TTC13: variants seen among roughly 807,000 people sequenced by gnomAD.
TTC13 encodes tetratricopeptide repeat protein 13.
In TTC13, 62 loss-of-function variants were observed where a neutral mutation model predicts 120.0. The observed-to-expected ratio is 0.52, with a 90% confidence interval of 0.42 to 0.64. The LOEUF (loss-of-function observed/expected upper bound fraction) is 0.64. TTC13 is among the 30% of genes least tolerant of loss of function. The pLI is 0.00. For missense variants in TTC13, 824 were observed against 1,050.2 expected (o/e 0.78, Z 2.98); for synonymous variants, 384 against 393.5 (o/e 0.98, Z 0.28).
In TTC13 at chr1:230,961,287, G is replaced by A. The variant is rs1676613398; in HGVS notation, c.288C>T (p.Asn96=). ...TGGGTTCGCAGTCTGAGTCATGGAA[G>A]TTCAAAAAGGATGACTCTGAAAGGC... The part of the protein sequence containing the change: ...SAECGESSFL[N]FHDSDCEPKG... Residue 96 remains asparagine, a synonymous_variant, in exon 2 of 23, where the codon AAC becomes AAT. Coordinates refer to ENST00000366661, the MANE Select transcript of TTC13 (RefSeq NM_024525.5). 1.2e-6 allele frequency: 2 copies of A among 1,613,362 alleles called. No homozygotes were observed. The highest frequency in any genetic ancestry group is 1.7e-6 in the Non-Finnish European group (2 of 1,179,584).
intron 1 of TTC13, among the ~76,000 whole-genome samples, chr1:230,977,818 G>T (rs1678491326): frequency 6.6e-6 from 1 of 152,132 alleles, no homozygotes; most frequent in South Asian, 2.1e-4. Context: ...TGTCCCAGAG[G>T]CATCTGCTAT....
At chr1:230,936,341 C>A in intron 8 of TTC13, 2 of 431,350 alleles carry the variant, frequency 4.6e-6, no homozygotes, top group Admixed American at 5.2e-5. Context: ...ATGAATCAAT[C>A]TCTAAGCATA....
intron 3 of TTC13, among the ~76,000 whole-genome samples, chr1:230,957,830 ATAACT>A (rs978645604): frequency 2.8e-5 from 2 of 70,198 alleles, no homozygotes; most frequent in African/African-American, 5.1e-5. Flanking sequence ...CATGAGTAAA[ATAACT>A]TAAAGTTTAA....
At chr1:230,950,219 A>G (rs1462085960) in intron 4 of TTC13, among the ~76,000 whole-genome samples, 1 of 152,022 alleles carries the variant, frequency 6.6e-6, no homozygotes, top group Non-Finnish European at 1.5e-5. Context: ...GGCTCTGAAG[A>G]GCAATTTTTC....
chr1:230,929,605 C>T (rs1382556412), intron 11 of TTC13, among the ~76,000 whole-genome samples: 2 of 152,164 alleles, frequency 1.3e-5, no homozygotes, highest in Non-Finnish European at 2.9e-5. Flanking sequence ...TGAGCCACCG[C>T]GCCTGGCCTA....
intron 4 of TTC13, among the ~76,000 whole-genome samples, chr1:230,953,069 G>A (rs1675741591): frequency 6.6e-6 from 1 of 152,102 alleles, no homozygotes; most frequent in Admixed American, 6.6e-5. Flanking sequence ...TCAAACCAGG[G>A]TCAGGTGTTA....
At chr1:230,938,224 C>G (rs1006642184) in intron 8 of TTC13, among the ~76,000 whole-genome samples, 1 of 152,314 alleles carries the variant, frequency 6.6e-6, no homozygotes, top group East Asian at 1.9e-4. Flanking sequence ...GAATGAATTG[C>G]TTTTTGGCTG....
chr1:230,938,867 C>A (rs1674308212), intron 8 of TTC13, among the ~76,000 whole-genome samples: 1 of 152,204 alleles, frequency 6.6e-6, no homozygotes, highest in South Asian at 2.1e-4. Flanking sequence ...CTGCCCTCCA[C>A]CGACCTTCCA....
In TTC13 at chr1:230,972,885, C is replaced by A. The variant is rs527685557; in HGVS notation, c.271+5675G>T. Among the ~76,000 whole-genome samples, 6 of 152,304 alleles carry A rather than the reference C, an allele frequency of 3.9e-5. No individual in the cohort carries two copies. In the South Asian group the frequency reaches 1.2e-3, roughly 32 times the overall value. On this transcript the variant is annotated intron_variant, in intron 1 of 22. Transcript: ENST00000366661. ...AAACCAGAGGATTTGCTGAAAGATG[C>A]TGTTCAGTGAGCAAAAGGGAAACAC...
intron 20 of TTC13, among the ~76,000 whole-genome samples, chr1:230,910,733 A>T (rs1671418778): frequency 6.6e-6 from 1 of 152,266 alleles, no homozygotes; most frequent in Admixed American, 6.5e-5. Context: ...TATTATGCTG[A>T]TAAGACAACA....
intron 4 of TTC13, among the ~76,000 whole-genome samples, chr1:230,948,329 T>TAAAA (rs5781611): frequency 7.1e-6 from 1 of 141,404 alleles, no homozygotes. Context: ...ATATTTCACT[T>TAAAA]AAAAAAAAAA....
chr1:230,967,467 AATTT>A (rs1247187406), intron 1 of TTC13, among the ~76,000 whole-genome samples: 9 of 152,124 alleles, frequency 5.9e-5, no homozygotes, highest in African/African-American at 2.2e-4. Flanking sequence ...GCACTTTTGA[AATTT>A]ATTTAAGATG....
At chr1:230,936,533 C>A in intron 8 of TTC13, 1 of 250,578 alleles carries the variant, frequency 4.0e-6, no homozygotes. Context: ...TGTGAAATAT[C>A]CTTACAACAT....
At chr1:230,959,409 T>C (rs1160096078) in intron 2 of TTC13, among the ~76,000 whole-genome samples, 1 of 152,152 alleles carries the variant, frequency 6.6e-6, no homozygotes, top group East Asian at 1.9e-4. Context: ...GAGACAAAGT[T>C]TCTCTCTTTT....
chr1:230,939,166 GA>G (rs1450528159), intron 8 of TTC13, among the ~76,000 whole-genome samples: 1 of 152,124 alleles, frequency 6.6e-6, no homozygotes, highest in Non-Finnish European at 1.5e-5. Flanking sequence ...ATTATATGTG[GA>G]AAAAGCTTTG....
At position 230,940,109 on chromosome 1, in the gene TTC13, A is replaced by G. The variant is rs570003053; in HGVS notation, c.789+331T>C. 2.0e-5 allele frequency among the ~76,000 whole-genome samples: 3 copies of G among 152,324 alleles called. No individual in the cohort carries two copies. In the East Asian group the frequency reaches 5.8e-4, roughly 29 times the overall value. ...TTGTACCGCTAAGTTTAATAATCAC[A>G]TTGACAACATGCACACCTGCTTCCC... is the stretch of plus-strand genomic sequence containing the variant. On this transcript the variant is annotated intron_variant, in intron 7 of 22. Coordinates refer to ENST00000366661, the MANE Select transcript of TTC13 (RefSeq NM_024525.5). This position sits in a 1 kb window ranked among gnomAD's most constrained non-coding sequence, Gnocchi z 4.1.
chr1:230,925,962 C>T (rs1282102380), intron 12 of TTC13, among the ~76,000 whole-genome samples: 1 of 152,168 alleles, frequency 6.6e-6, no homozygotes, highest in Admixed American at 6.5e-5. Flanking sequence ...GAATGGACTG[C>T]CTTTTTCAAC....
At chr1:230,974,858 T>C (rs1454743644) in intron 1 of TTC13, among the ~76,000 whole-genome samples, 1 of 152,242 alleles carries the variant, frequency 6.6e-6, no homozygotes, top group Non-Finnish European at 1.5e-5. Context: ...TGAAGCATCC[T>C]TGAATTTGTA....
intron 12 of TTC13, among the ~76,000 whole-genome samples, chr1:230,926,426 G>A (rs1026976179): frequency 1.3e-5 from 2 of 152,136 alleles, no homozygotes; most frequent in Non-Finnish European, 2.9e-5. Flanking sequence ...AGACTCAGTG[G>A]CCAGGGTTAC....
Sources: gnomAD v4.1 joint callset for allele counts (sites outside exome capture counted in the v4.1 genomes callset) on GRCh38, gnomAD v4.1.1 for gene constraint, Gnocchi (gnomAD v3.1) non-coding constraint, MANE v1.5 for transcripts, NCBI Gene and HGNC (gene_info 2026-07-23, HGNC 2026-07-21) for gene names.